The following ENTPD3 variants were observed in gnomAD, a reference collection of about 807,000 sequenced individuals.
ENTPD3 encodes the protein ectonucleoside triphosphate diphosphohydrolase 3.
Under a neutral mutation model 51.2 loss-of-function variants are expected in ENTPD3, and 60 were observed. That is an observed-to-expected ratio of 1.17 (90% CI 0.95 to 1.45). ENTPD3 has a LOEUF of 1.45. Among genes scored for constraint, ENTPD3 ranks in the 40% most tolerant of loss-of-function variants. The pLI, the probability that ENTPD3 is intolerant of heterozygous loss-of-function variation, is 0.00. For missense variants in ENTPD3, 593 were observed against 641.1 expected, an observed-to-expected ratio of 0.93 and a Z score of 0.81; for synonymous variants, 221 against 238.4, an observed-to-expected ratio of 0.93 and a Z score of 0.67.
intron 3 of ENTPD3, among the ~76,000 whole-genome samples, chr3:40,399,966 A>T (rs1955305034): frequency 6.6e-6 from 1 of 152,074 alleles, no homozygotes. Flanking sequence ...GCACTGATAC[A>T]GGTATTAACA....
At chr3:40,387,991 A>G in intron 1 of ENTPD3, 55 bp from the exon 2 acceptor site, 1 of 1,466,838 alleles carries the variant, frequency 6.8e-7, no homozygotes. Context: ...CGTTCTTTAA[A>G]CTTGTGAGGC....
At chr3:40,415,491 G>C (rs2125605380) in intron 6 of ENTPD3, among the ~76,000 whole-genome samples, 1 of 152,148 alleles carries the variant, frequency 6.6e-6, no homozygotes, top group South Asian at 2.1e-4. Flanking sequence ...AGCTTCTTCT[G>C]ACCTCCTCAC....
intron 4 of ENTPD3, among the ~76,000 whole-genome samples, chr3:40,405,842 C>G (rs566131366): frequency 6.6e-6 from 1 of 152,142 alleles, no homozygotes; most frequent in African/African-American, 2.4e-5. Context: ...TTTGTTTATC[C>G]CAGATTGGAC....
intron 10 of ENTPD3, 29 bp downstream of exon 10, chr3:40,423,992 C>G: frequency 6.2e-7 from 1 of 1,613,788 alleles, no homozygotes; most frequent in Non-Finnish European, 8.5e-7. Context: ...ATTTTCTCTT[C>G]TTCTTCCCAA....
At chr3:40,419,864 C>T (rs769308309) in intron 7 of ENTPD3, among the ~76,000 whole-genome samples, 25 of 152,276 alleles carry the variant, frequency 1.6e-4, no homozygotes, top group African/African-American at 2.4e-4. Flanking sequence ...TTTTCTCCCT[C>T]GAGCCCATTG....
At chr3:40,424,174 G>A in intron 10 of ENTPD3, 13 of 985,414 alleles carry the variant, frequency 1.3e-5, no homozygotes, top group Non-Finnish European at 1.6e-5. Flanking sequence ...GAAAAGACTG[G>A]AAGCCAAGGG....
intron 7 of ENTPD3, among the ~76,000 whole-genome samples, chr3:40,417,983 T>C (rs544264099): frequency 1.3e-5 from 2 of 152,152 alleles, no homozygotes; most frequent in Non-Finnish European, 2.9e-5. Flanking sequence ...CCTCTGTGTG[T>C]TTTTGTACTC....
intron 1 of ENTPD3, 45 bp from the exon 2 acceptor site, chr3:40,388,001 C>T (rs112224712): frequency 6.6e-7 from 1 of 1,518,612 alleles, no homozygotes. Context: ...ACTTGTGAGG[C>T]CGGGGCGGTG....
intron 7 of ENTPD3, among the ~76,000 whole-genome samples, chr3:40,420,441 G>A (rs1420122994): frequency 6.6e-6 from 1 of 151,708 alleles, no homozygotes; most frequent in Admixed American, 6.6e-5. Flanking sequence ...GGGTTTCACT[G>A]TGTTAGCCAG....
At chr3:40,412,039 C>A in intron 5 of ENTPD3, 77 bp downstream of exon 5, 1 of 1,369,154 alleles carries the variant, frequency 7.3e-7, no homozygotes. Flanking sequence ...AAGAATGTAA[C>A]TCTATTTCTG....
rs764744475 is a variant in ENTPD3 at position 40,414,741 on chromosome 3, C to T, written c.498C>T (p.Ser166=). ...VLESIQSYFK[S]QPFDFRGAQI... ...AAAGCATCCAAAGCTACTTCAAGTC[C>T]CAGCCCTTTGACTTTAGGGGTGCTC... The change falls in exon 6 of 11, where the codon TCC becomes TCT. Residue 166 remains serine, a synonymous_variant. Transcript: ENST00000301825. 7 of 1,614,046 alleles carry T rather than the reference C, an allele frequency of 4.3e-6. No homozygotes were observed. In the South Asian group the frequency reaches 6.6e-5, roughly 15 times the overall value.
At position 40,392,077 on chromosome 3, in the gene ENTPD3, T is replaced by C; in HGVS notation, c.95T>C (p.Val32Ala). ...ATCATTGCCTTGGTGGTCTTGCTTG[T>C]GAGTATTGTGGTACTTGTGAGTATC... is the stretch of plus-strand genomic sequence containing the variant. ...PTIIALVVLL[V>A]SIVVLVSITV... Residue 32 changes from valine to alanine, a missense_variant, in exon 3 of 11, where the codon GTG (valine) becomes GCG (alanine). Physicochemically the swap from Val to Ala is moderately conservative, Grantham distance 64 (BLOSUM62 0). Transcript: ENST00000301825. 1 of 1,614,144 alleles carries C rather than the reference T, an allele frequency of 6.2e-7. No homozygotes were observed. Among genetic ancestry groups the C allele is most frequent in the South Asian group, 1.1e-5 (1 of 91,076 alleles).
At chr3:40,419,927 T>C (rs1955826721) in intron 7 of ENTPD3, among the ~76,000 whole-genome samples, 1 of 152,198 alleles carries the variant, frequency 6.6e-6, no homozygotes, top group African/African-American at 2.4e-5. Flanking sequence ...TGAAGACTGT[T>C]GAATGTTGAA....
intron 3 of ENTPD3, among the ~76,000 whole-genome samples, chr3:40,394,584 T>C (rs1169185761): frequency 6.6e-6 from 1 of 152,316 alleles, no homozygotes; most frequent in African/African-American, 2.4e-5. Context: ...GTTTGGTCAG[T>C]GAATGACAGG....
At position 40,422,896 on chromosome 3, in the gene ENTPD3, A is replaced by C; in HGVS notation, c.878A>C (p.Asp293Ala). 1 of 1,613,890 alleles carries C rather than the reference A, an allele frequency of 6.2e-7. No individual in the cohort carries two copies. The highest frequency in any genetic ancestry group is 2.2e-5 in the East Asian group (1 of 44,862). The change falls in exon 8 of 11, where the codon GAT becomes GCT. Residue 293 changes from aspartate to alanine, a missense_variant. By Grantham distance (126) the Asp-to-Ala change is moderately radical. Transcript: ENST00000301825. ...CTCACCAATCCCTGTTACCCTCGGG[A>C]TTATAGCATCAGCTTCACCATGGGC... ...NHLTNPCYPR[D>A]YSISFTMGHV... is the part of the protein sequence containing the mutation.
chr3:40,410,790 C>A (rs1173906236), intron 4 of ENTPD3, among the ~76,000 whole-genome samples: 1 of 141,082 alleles, frequency 7.1e-6, no homozygotes, highest in African/African-American at 3.2e-5. Context: ...AAAGGGAAGG[C>A]AGAACTAATA....
chr3:40,427,679 C>G lies in ENTPD3; in HGVS notation c.*171C>G, dbSNP rs1045364736. ...TGCCACAGCACCTCTTGAGGCATCC[C>G]TTGGCTATTCTGTGCATATTGTTCT... is the stretch of plus-strand genomic sequence containing the variant. On this transcript the variant is annotated 3_prime_UTR_variant, in exon 11 of 11. Coordinates refer to ENST00000301825, the MANE Select transcript of ENTPD3 (RefSeq NM_001248.4). 3.3e-6 allele frequency: 2 copies of G among 611,226 alleles called. No individual in the cohort carries two copies. The highest frequency in any genetic ancestry group is 1.9e-5 in the African/African-American group (1 of 53,968). 37.9% of individuals were successfully genotyped at this position (611,226 alleles called of 1,614,324 possible).
At chr3:40,416,134 A>T in intron 7 of ENTPD3, 61 bp downstream of exon 7, 1 of 1,223,504 alleles carries the variant, frequency 8.2e-7, no homozygotes, top group Non-Finnish European at 1.2e-6. Context: ...CTGAGGGGAG[A>T]ATGCCCTGCC....
chr3:40,404,867 C>T (rs1955454545), intron 4 of ENTPD3, among the ~76,000 whole-genome samples: 1 of 152,174 alleles, frequency 6.6e-6, no homozygotes, highest in Non-Finnish European at 1.5e-5. Context: ...TCCCAGATGC[C>T]TAGGCCCTCA....
Sources: gnomAD v4.1 joint callset for allele counts (sites outside exome capture counted in the v4.1 genomes callset) on GRCh38, gnomAD v4.1.1 for gene constraint, MANE v1.5 for transcripts, NCBI Gene and HGNC (gene_info 2026-07-23, HGNC 2026-07-21) for gene names.